The following BMX variants were observed in gnomAD, a reference collection of about 807,000 sequenced individuals.
The protein encoded by BMX is BMX non-receptor tyrosine kinase, also known as cytoplasmic tyrosine-protein kinase BMX.
Under a neutral mutation model 59.2 loss-of-function variants are expected in BMX, and 31 were observed. That is an observed-to-expected ratio of 0.52 (90% CI 0.39 to 0.71). The LOEUF (loss-of-function observed/expected upper bound fraction) is 0.71. Ranked by LOEUF, BMX falls within the 30% of genes least tolerant of loss-of-function variation. The probability of loss-of-function intolerance (pLI) is 0.00; values close to 1 mark genes in which losing one functional copy is unlikely to be tolerated. For missense variants in BMX, 474 were observed against 491.7 expected, an observed-to-expected ratio of 0.96 and a Z score of 0.34; for synonymous variants, 185 against 181.0, an observed-to-expected ratio of 1.02 and a Z score of -0.18.
intron 11 of BMX, among the ~76,000 whole-genome samples, chrX:15,533,579 G>A (rs762204684): frequency 1.7e-4 from 19 of 112,566 alleles, no homozygotes; most frequent in Non-Finnish European, 3.4e-4. Context: ...TGACCACTAT[G>A]TCATTGTCTA....
intron 1 of BMX, among the ~76,000 whole-genome samples, chrX:15,506,251 G>A (rs1288545585): frequency 9.0e-6 from 1 of 111,545 alleles, no homozygotes; most frequent in Non-Finnish European, 1.9e-5. Context: ...ACATAGTACT[G>A]GGAAAGACTG....
chrX:15,515,857 T>C (rs1181948591), intron 4 of BMX, among the ~76,000 whole-genome samples: 1 of 112,379 alleles, frequency 8.9e-6, no homozygotes, highest in Non-Finnish European at 1.9e-5. Context: ...ATATGCATTT[T>C]ACTAGTTATT....
chrX:15,548,049 T>TA (rs1002477969), intron 17 of BMX, among the ~76,000 whole-genome samples: 20 of 109,982 alleles, frequency 1.8e-4, no homozygotes, highest in South Asian at 7.6e-4. Flanking sequence ...TGTTCGTTGT[T>TA]AAAAAAAAAG....
At chrX:15,538,696 G>A (rs930807740) in intron 14 of BMX, among the ~76,000 whole-genome samples, 1 of 111,831 alleles carries the variant, frequency 8.9e-6, no homozygotes, top group African/African-American at 3.3e-5. Flanking sequence ...AGTAAAAGTC[G>A]AAAAGCAGAG....
At chrX:15,550,466 C>T (rs1926139983) in intron 18 of BMX, among the ~76,000 whole-genome samples, 1 of 110,597 alleles carries the variant, frequency 9.0e-6, no homozygotes, top group East Asian at 2.8e-4. Flanking sequence ...GACACTATCC[C>T]ATCTTCTCTC....
chrX:15,509,915 A>T (rs757059887), intron 3 of BMX, among the ~76,000 whole-genome samples: 21 of 111,815 alleles, frequency 1.9e-4, no homozygotes, highest in Admixed American at 9.5e-5. Flanking sequence ...GGCTAGAGAG[A>T]TATTCTATTG....
intron 1 of BMX, among the ~76,000 whole-genome samples, chrX:15,506,341 A>T (rs1423084532): frequency 2.7e-5 from 3 of 112,509 alleles, no homozygotes; most frequent in African/African-American, 9.7e-5. Flanking sequence ...CATCTAAAAA[A>T]ATTAAAAAGT....
At chrX:15,511,595 G>A in intron 4 of BMX, 77 bp downstream of exon 4, 1 of 830,895 alleles carries the variant, frequency 1.2e-6, no homozygotes, top group South Asian at 2.5e-5. Flanking sequence ...GAGGCTTGGT[G>A]GAGGAAAGAC....
At chrX:15,509,282 C>T (rs745486889) in intron 2 of BMX, 47 bp from the exon 3 acceptor site, 1 of 958,557 alleles carries the variant, frequency 1.0e-6, no homozygotes, top group Non-Finnish European at 1.4e-6. Flanking sequence ...TCCTTGTGCA[C>T]CATGATGTAT....
chrX:15,545,407 CCT>C (rs931973901), intron 16 of BMX, among the ~76,000 whole-genome samples: 3 of 112,492 alleles, frequency 2.7e-5, no homozygotes, highest in African/African-American at 9.7e-5. Flanking sequence ...TCTTTTCTCC[CCT>C]GATTCTTCCC....
intron 5 of BMX, among the ~76,000 whole-genome samples, chrX:15,517,066 A>G (rs1924192797): frequency 9.0e-6 from 1 of 111,615 alleles, no homozygotes; most frequent in Admixed American, 9.5e-5. Context: ...CACATAAAAT[A>G]TTTTTTAAAT....
intron 11 of BMX, among the ~76,000 whole-genome samples, chrX:15,533,029 AT>A (rs1925156649): frequency 8.9e-6 from 1 of 112,685 alleles, no homozygotes; most frequent in African/African-American, 3.2e-5. Flanking sequence ...AAAGAATCAA[AT>A]GAATACAGAA....
intron 9 of BMX, among the ~76,000 whole-genome samples, chrX:15,528,357 C>T (rs1049230469): frequency 2.7e-5 from 3 of 111,969 alleles, no homozygotes; most frequent in Non-Finnish European, 5.6e-5. Flanking sequence ...GATAGAAAAT[C>T]GTGTGTTAAG....
chrX:15,505,996 C>G (rs1923726350), intron 1 of BMX, among the ~76,000 whole-genome samples: 1 of 110,879 alleles, frequency 9.0e-6, no homozygotes. Flanking sequence ...GTGGCGTGAT[C>G]CTCCTGCCTC....
chrX:15,542,763 T>C (rs1925756867), intron 15 of BMX, among the ~76,000 whole-genome samples: 1 of 111,953 alleles, frequency 8.9e-6, no homozygotes, highest in South Asian at 3.7e-4. Flanking sequence ...ATGCACGGTA[T>C]CTGGTGGTGG....
chrX:15,528,369 C>T (rs749339836), intron 9 of BMX, among the ~76,000 whole-genome samples: 1 of 112,190 alleles, frequency 8.9e-6, no homozygotes, highest in Non-Finnish European at 1.9e-5. Flanking sequence ...TGTGTTAAGA[C>T]TAGGCCTGGC....
rs1924155386 is a variant in BMX, at chrX:15,516,333, C to G, written c.445+102C>G. 3.8e-6 allele frequency: 4 copies of G among 1,055,900 alleles called. No homozygotes were observed. The South Asian group carries it at 9.7e-5, about 26-fold the overall frequency. 87.0% of individuals were successfully genotyped at this position (1,055,900 alleles called of 1,213,427 possible). The stretch of plus-strand genomic sequence containing the variant: ...AGAGCTTGCCAGAAAACAAGATGTG[C>G]CAGATTGGTTGGCATCATGAAAATT... On this transcript the variant is annotated intron_variant, in intron 5 of 18. Coordinates refer to ENST00000348343, the MANE Select transcript of BMX (RefSeq NM_203281.3).
chrX:15,520,031 C>G (rs182894394), intron 6 of BMX, among the ~76,000 whole-genome samples: 1 of 111,877 alleles, frequency 8.9e-6, no homozygotes, highest in African/African-American at 3.2e-5. Context: ...CAACTTGGAA[C>G]CACCAGAAGC....
At chrX:15,533,198 G>A (rs1925164886) in intron 11 of BMX, among the ~76,000 whole-genome samples, 1 of 111,839 alleles carries the variant, frequency 8.9e-6, no homozygotes, top group Non-Finnish European at 1.9e-5. Context: ...TAATTTTTTA[G>A]CTTTTATTTT....
Sources: gnomAD v4.1 joint callset for allele counts (sites outside exome capture counted in the v4.1 genomes callset) on GRCh38, gnomAD v4.1.1 for gene constraint, MANE v1.5 for transcripts, NCBI Gene and HGNC (gene_info 2026-07-23, HGNC 2026-07-21) for gene names.